Variants in ADAM17 observed in about 807,000 individuals in gnomAD.
The protein encoded by ADAM17 is disintegrin and metalloproteinase domain-containing protein 17.
In ADAM17, 39 loss-of-function variants were observed where a neutral mutation model predicts 96.7. The ratio of observed to expected loss-of-function variants is 0.40; its 90% CI spans 0.31 to 0.53. The LOEUF (loss-of-function observed/expected upper bound fraction) is 0.53, where lower values mean the gene tolerates loss of function less well. Among genes scored for constraint, ADAM17 ranks in the 20% least tolerant of loss-of-function variants. The pLI, the probability that ADAM17 is intolerant of heterozygous loss-of-function variation, is 0.44. For missense variants in ADAM17, 777 were observed against 1,013.2 expected, an observed-to-expected ratio of 0.77 and a Z score of 3.17; for synonymous variants, 344 against 359.2, an observed-to-expected ratio of 0.96 and a Z score of 0.48.
chr2:9,547,879 C>T (rs750959688), intron 1 of ADAM17, among the ~76,000 whole-genome samples: 2 of 151,928 alleles, frequency 1.3e-5, no homozygotes, highest in Non-Finnish European at 1.5e-5. Flanking sequence ...AGCAAAACCC[C>T]GTCTCTACCA....
intron 2 of ADAM17, among the ~76,000 whole-genome samples, chr2:9,537,564 T>G (rs1012566919): frequency 1.3e-5 from 2 of 151,918 alleles, no homozygotes; most frequent in African/African-American, 4.8e-5. Context: ...AAACCCCATC[T>G]CTACTAAAAA....
chr2:9,490,055 A>G lies in ADAM17; in HGVS notation c.*122T>C. The G allele has an allele frequency of 2.1e-6, 2 of 945,328 alleles. No homozygotes were observed. The highest frequency in any genetic ancestry group is 5.7e-5 in the Admixed American group (2 of 34,994). The allele number at this position is 945,328 out of a possible 1,614,324, so 58.6% of individuals were successfully genotyped here. ...AACTGTTTACCTGCAGGAAGTTCAA[A>G]CACATGACCAGCATCTGCTAAGTCA... On this transcript the variant is annotated 3_prime_UTR_variant, in exon 19 of 19. Transcript: ENST00000310823.
intron 1 of ADAM17, among the ~76,000 whole-genome samples, chr2:9,548,856 G>C (rs564384493): frequency 2.0e-5 from 3 of 152,180 alleles, no homozygotes; most frequent in Non-Finnish European, 4.4e-5. Context: ...GGGGCTTTCA[G>C]GCCTGTAACA....
rs1664525605 is a variant in ADAM17 at position 9,526,258 on chromosome 2, G to A, written c.620-14C>T. The A allele has an allele frequency of 6.2e-7, 1 of 1,609,150 alleles. No homozygotes were observed. The highest frequency in any genetic ancestry group is 1.1e-5 in the South Asian group (1 of 89,804). Reference sequence around the variant, plus strand: ...GATGAACAAGCTCTAATATGAATTTGTATGCACTATTAAATCAAAATTCAC... The same window carrying A: ...GATGAACAAGCTCTAATATGAATTTATATGCACTATTAAATCAAAATTCAC... On this transcript the variant is annotated splice_polypyrimidine_tract_variant and intron_variant, in intron 5 of 18. Coordinates refer to ENST00000310823, the MANE Select transcript of ADAM17 (RefSeq NM_003183.6).
At chr2:9,497,360 A>G (rs993792626) in intron 13 of ADAM17, 112 bp from the exon 14 acceptor site, 7 of 1,377,586 alleles carry the variant, frequency 5.1e-6, no homozygotes, top group Non-Finnish European at 6.9e-6. Context: ...TGCAAAAGCA[A>G]AAAGTGACCT....
chr2:9,542,642 C>T (rs1193943109), intron 2 of ADAM17, among the ~76,000 whole-genome samples: 1 of 152,068 alleles, frequency 6.6e-6, no homozygotes, highest in Non-Finnish European at 1.5e-5. Flanking sequence ...ATCATTAACA[C>T]CTCTGCAATA....
intron 6 of ADAM17, among the ~76,000 whole-genome samples, chr2:9,523,847 G>A (rs1231367873): frequency 6.6e-6 from 1 of 151,542 alleles, no homozygotes; most frequent in Non-Finnish European, 1.5e-5. Flanking sequence ...TTAGTGAATA[G>A]TAAATGTATT....
Position 9,489,887 on chromosome 2 carries a change from T to C in ADAM17, c.*290A>G, listed in dbSNP as rs1130094. ...AGATTAATTTACAAAAACGTAAATA[T>C]TCATAACCCAATCCAGCTGTATTTT... On this transcript the variant is annotated 3_prime_UTR_variant, in exon 19 of 19. Transcript: ENST00000310823. 0.43 allele frequency: 134,990 copies of C among 313,280 alleles called. 32,328 individuals carry two copies. Among genetic ancestry groups the C allele is most frequent in the Middle Eastern group, 0.59 (607 of 1,024 alleles). The allele number at this position is 313,280 out of a possible 1,614,324, so 19.4% of individuals were successfully genotyped here. A position where few individuals can be genotyped will look rare whatever the true frequency, so the allele number is the denominator to read the frequency against.
intron 10 of ADAM17, among the ~76,000 whole-genome samples, chr2:9,514,733 C>A (rs1484468553): frequency 6.6e-6 from 1 of 150,850 alleles, no homozygotes; most frequent in South Asian, 2.1e-4. Context: ...ATTAGCCGGG[C>A]GTGGTGGTGG....
At chr2:9,537,703 G>A (rs1665016578) in intron 2 of ADAM17, among the ~76,000 whole-genome samples, 1 of 151,528 alleles carries the variant, frequency 6.6e-6, no homozygotes, top group Non-Finnish European at 1.5e-5. Flanking sequence ...CTGGTTGACA[G>A]CGCGAGACTC....
At chr2:9,518,678 G>A (rs1664179489) in intron 8 of ADAM17, among the ~76,000 whole-genome samples, 1 of 152,026 alleles carries the variant, frequency 6.6e-6, no homozygotes, top group African/African-American at 2.4e-5. Flanking sequence ...AAACTTTTTT[G>A]AGCTTCATAA....
chr2:9,494,416 C>T (rs934914374), intron 15 of ADAM17, among the ~76,000 whole-genome samples: 11 of 152,162 alleles, frequency 7.2e-5, no homozygotes, highest in African/African-American at 2.7e-4. Context: ...CAGTCCTTCT[C>T]AGTCTCTGGG....
At chr2:9,511,021 C>A (rs1663703709) in intron 10 of ADAM17, among the ~76,000 whole-genome samples, 1 of 152,174 alleles carries the variant, frequency 6.6e-6, no homozygotes, top group South Asian at 2.1e-4. Flanking sequence ...CAACCACACA[C>A]AATCTGGTGC....
intron 13 of ADAM17, among the ~76,000 whole-genome samples, chr2:9,499,716 A>G (rs899865175): frequency 2.6e-5 from 4 of 152,130 alleles, no homozygotes; most frequent in African/African-American, 4.8e-5. Context: ...GGTTCCTAAC[A>G]TTTGGCAAAG....
intron 17 of ADAM17, among the ~76,000 whole-genome samples, chr2:9,492,615 C>T (rs1662250988): frequency 6.6e-6 from 1 of 152,166 alleles, no homozygotes; most frequent in East Asian, 1.9e-4. Context: ...CATCAAAGGA[C>T]CTGGACAAAT....
intron 1 of ADAM17, among the ~76,000 whole-genome samples, chr2:9,551,092 C>G (rs900092774): frequency 3.3e-5 from 5 of 150,200 alleles, no homozygotes; most frequent in African/African-American, 1.2e-4. Context: ...AAAAAGGTAA[C>G]TAATTTTGGA....
At position 9,492,950 on chromosome 2, in the gene ADAM17, AG is replaced by A; in HGVS notation, c.2029del (p.Leu677TrpfsTer5). 6.2e-7 allele frequency: 1 copy of A among 1,613,064 alleles called. No individual in the cohort carries two copies. The highest frequency in any genetic ancestry group is 2.2e-5 in the East Asian group (1 of 44,816). On this transcript the variant is annotated frameshift_variant, in exon 17 of 19. Coordinates refer to ENST00000310823, the MANE Select transcript of ADAM17 (RefSeq NM_003183.6). LOFTEE classifies it high-confidence loss of function. ...AATCCAAAATATCAAGGAGAAAACC[AG>A]GACAGACCCAACGATGTTGTCTGCT... ...FLADNIVGSV[L>X]VFSLIFWIPF...
At chr2:9,525,867 C>T (rs965301301) in intron 6 of ADAM17, among the ~76,000 whole-genome samples, 1 of 152,158 alleles carries the variant, frequency 6.6e-6, no homozygotes, top group Non-Finnish European at 1.5e-5. Context: ...TACATTATAA[C>T]CTCTCCCAAA....
intron 6 of ADAM17, among the ~76,000 whole-genome samples, chr2:9,524,697 A>G (rs1298013136): frequency 6.6e-6 from 1 of 152,196 alleles, no homozygotes; most frequent in Admixed American, 6.5e-5. Flanking sequence ...TCTCACCCCA[A>G]AAAGTTCAGC....
Sources: allele counts gnomAD v4.1 joint callset (sites outside exome capture counted in the v4.1 genomes callset), GRCh38; gene constraint gnomAD v4.1.1; transcripts MANE v1.5; gene names NCBI Gene and HGNC (gene_info 2026-07-23, HGNC 2026-07-21).